The following NOX4 variants were observed in gnomAD, a reference collection of about 807,000 sequenced individuals.
NOX4 encodes NADPH oxidase 4.
NOX4 carries 69 observed loss-of-function variants against 87.6 expected under a neutral mutation model. That is an observed-to-expected ratio of 0.79 (90% CI 0.65 to 0.96). The LOEUF (loss-of-function observed/expected upper bound fraction) is 0.96. Among genes scored for constraint, NOX4 ranks in the 40% least tolerant of loss-of-function variants. NOX4 has a pLI of 0.00. For missense variants in NOX4, 680 were observed against 681.5 expected, an observed-to-expected ratio of 1.00 and a Z score of 0.02; for synonymous variants, 275 against 238.2, an observed-to-expected ratio of 1.15 and a Z score of -1.42.
intron 15 of NOX4, among the ~76,000 whole-genome samples, chr11:89,338,874 C>T (rs1361767735): frequency 3.3e-5 from 5 of 152,072 alleles, no homozygotes; most frequent in African/African-American, 7.2e-5. Flanking sequence ...CTACTGTTTA[C>T]GCTGCTTTAC....
At chr11:89,351,418 C>T (rs1430782157) in intron 13 of NOX4, among the ~76,000 whole-genome samples, 1 of 152,136 alleles carries the variant, frequency 6.6e-6, no homozygotes, top group Non-Finnish European at 1.5e-5. Flanking sequence ...GAAGATCTAG[C>T]TGACATAATA....
intron 11 of NOX4, among the ~76,000 whole-genome samples, chr11:89,381,781 C>A (rs1047074890): frequency 6.6e-6 from 1 of 152,182 alleles, no homozygotes; most frequent in African/African-American, 2.4e-5. Context: ...GGTCCTCAGA[C>A]CAACCAGCCC....
the NOX4 span, among the ~76,000 whole-genome samples, chr11:89,578,429 C>G: frequency 6.6e-6 from 1 of 152,230 alleles, no homozygotes; most frequent in East Asian, 1.9e-4. Flanking sequence ...CTAAGGAGGC[C>G]TCCCTCGGAT....
chr11:89,421,355 C>T (rs781069954), intron 8 of NOX4, among the ~76,000 whole-genome samples: 5 of 152,088 alleles, frequency 3.3e-5, no homozygotes, highest in Non-Finnish European at 7.4e-5. Context: ...TTTTGGAATA[C>T]TTTAGGTATA....
At chr11:89,524,791 C>T in the NOX4 span, among the ~76,000 whole-genome samples, 6 of 152,026 alleles carry the variant, frequency 3.9e-5, no homozygotes, top group Non-Finnish European at 8.8e-5. Flanking sequence ...TTACCAAATG[C>T]ATTACCTCAC....
At position 89,369,895 on chromosome 11, in the gene NOX4, G is replaced by T. The variant is rs554608557; in HGVS notation, c.1135+3537C>A. On this transcript the variant is annotated intron_variant, in intron 12 of 17. Transcript: ENST00000263317. ...AATAACATTAATATAAATTAGTGTG[G>T]TTATAATCTGACTTACAAGGAGTTT... Among the ~76,000 whole-genome samples the T allele has an allele frequency of 2.0e-5, 3 of 151,344 alleles. No homozygotes were observed. The Admixed American group carries it at 2.0e-4, about 10-fold the overall frequency.
At chr11:89,545,692 A>T in the NOX4 span, 1 of 147,434 alleles carries the variant, frequency 6.8e-6, no homozygotes, top group Admixed American at 6.8e-5. Context: ...AAATTTGGAT[A>T]GCAGAAGTAC....
chr11:89,455,311 G>A (rs1244800340), intron 2 of NOX4, among the ~76,000 whole-genome samples: 1 of 152,040 alleles, frequency 6.6e-6, no homozygotes, highest in African/African-American at 2.4e-5. Context: ...GACATTCCAT[G>A]GAGAAGCAGA....
the NOX4 span, among the ~76,000 whole-genome samples, chr11:89,526,391 T>C: frequency 2.6e-5 from 4 of 152,176 alleles, no homozygotes; most frequent in African/African-American, 9.7e-5. Context: ...ATACTGAACA[T>C]GTTTCCCTGA....
At chr11:89,490,761 A>G (rs1026595173) in intron 1 of NOX4, 3 of 697,558 alleles carry the variant, frequency 4.3e-6, no homozygotes, top group Non-Finnish European at 7.8e-6. Context: ...ACCTGAGACT[A>G]AGCATTTGGG....
chr11:89,403,991 C>G (rs1942024272), intron 8 of NOX4, among the ~76,000 whole-genome samples: 1 of 152,070 alleles, frequency 6.6e-6, no homozygotes, highest in South Asian at 2.1e-4. Context: ...AGGGAGCATT[C>G]AGTACATGTC....
At chr11:89,579,688 A>C in the NOX4 span, among the ~76,000 whole-genome samples, 1 of 152,200 alleles carries the variant, frequency 6.6e-6, no homozygotes, top group Admixed American at 6.5e-5. Context: ...TAACAAATTT[A>C]TCATACTAAT....
At chr11:89,536,301 C>T in the NOX4 span, among the ~76,000 whole-genome samples, 10 of 152,054 alleles carry the variant, frequency 6.6e-5, no homozygotes, top group Non-Finnish European at 1.3e-4. Flanking sequence ...CGCCCGCCAC[C>T]ATGCCCGGGT....
intron 7 of NOX4, among the ~76,000 whole-genome samples, chr11:89,430,775 C>G (rs1408607753): frequency 6.6e-6 from 1 of 152,172 alleles, no homozygotes; most frequent in Admixed American, 6.5e-5. Flanking sequence ...AATGGCCATA[C>G]TGCCCAAGGT....
chr11:89,354,664 T>C (rs1315885402), intron 13 of NOX4, among the ~76,000 whole-genome samples: 1 of 152,182 alleles, frequency 6.6e-6, no homozygotes. Flanking sequence ...ATACTGTCCC[T>C]GTTGATATGA....
At chr11:89,581,887 T>A in the NOX4 span, among the ~76,000 whole-genome samples, 2 of 152,164 alleles carry the variant, frequency 1.3e-5, no homozygotes, top group Non-Finnish European at 2.9e-5. Flanking sequence ...TGACATAAGA[T>A]CTATCCATGA....
intron 11 of NOX4, among the ~76,000 whole-genome samples, chr11:89,390,349 A>C (rs1941041106): frequency 2.0e-5 from 3 of 152,212 alleles, no homozygotes; most frequent in African/African-American, 7.2e-5. Flanking sequence ...AAATCTGGGG[A>C]AGCTATAAAC....
intron 11 of NOX4, among the ~76,000 whole-genome samples, chr11:89,387,878 C>T (rs1310815849): frequency 2.0e-5 from 3 of 152,118 alleles, no homozygotes; most frequent in Admixed American, 6.6e-5. Flanking sequence ...CAGAGCACAG[C>T]TGGAAAATAC....
intron 14 of NOX4, 143 bp from the exon 15 acceptor site, chr11:89,340,314 A>T: frequency 1.7e-6 from 1 of 602,434 alleles, no homozygotes; most frequent in South Asian, 2.1e-5. Flanking sequence ...TCAGTCATTT[A>T]CATTCTAGCG....
Sources: allele counts gnomAD v4.1 joint callset (sites outside exome capture counted in the v4.1 genomes callset), GRCh38; gene constraint gnomAD v4.1.1; transcripts MANE v1.5; gene names NCBI Gene and HGNC (gene_info 2026-07-23, HGNC 2026-07-21).